Variants in ZSCAN5A observed in about 807,000 individuals in gnomAD.
The protein encoded by ZSCAN5A is zinc finger and SCAN domain-containing protein 5A.
In ZSCAN5A, 12 loss-of-function variants were observed where a neutral mutation model predicts 23.7. The observed-to-expected ratio is 0.51, with a 90% confidence interval of 0.32 to 0.82. The LOEUF (loss-of-function observed/expected upper bound fraction) is 0.82. Among genes scored for constraint, ZSCAN5A ranks in the 40% least tolerant of loss-of-function variants. The probability of loss-of-function intolerance (pLI) is 0.03; values close to 1 mark genes in which losing one functional copy is unlikely to be tolerated. For synonymous variants in ZSCAN5A, 257 were observed against 239.9 expected (o/e 1.07, Z -0.66); for missense variants, 597 against 617.9 (o/e 0.97, Z 0.36).
At chr19:56,286,250 G>A (rs1402720132) in intron 2 of ZSCAN5A, 1 of 152,064 alleles carries the variant, frequency 6.6e-6, no homozygotes, top group Non-Finnish European at 1.5e-5. Flanking sequence ...TTGAACTCCT[G>A]ACCTTGTGAT....
intron 1 of ZSCAN5A, chr19:56,314,404 A>T (rs904884692): frequency 6.6e-6 from 1 of 152,260 alleles, no homozygotes; most frequent in African/African-American, 2.4e-5. Flanking sequence ...TCTTGCGAAA[A>T]GTCTCTGCGC....
chr19:56,238,006 C>G (rs77351873), intron 2 of ZSCAN5A, among the ~76,000 whole-genome samples: 2 of 4,562 alleles, frequency 4.4e-4, no homozygotes, highest in Non-Finnish European at 4.6e-4. Context: ...CGCACACATA[C>G]ACACACACGT....
intron 2 of ZSCAN5A, among the ~76,000 whole-genome samples, chr19:56,259,212 A>T (rs2036946389): frequency 6.6e-6 from 1 of 150,570 alleles, no homozygotes; most frequent in Non-Finnish European, 1.5e-5. Context: ...TATTTTATTA[A>T]TTTTTTTTTT....
intron 2 of ZSCAN5A, among the ~76,000 whole-genome samples, chr19:56,241,658 C>T (rs1338348205): frequency 2.0e-5 from 3 of 152,132 alleles, no homozygotes; most frequent in Non-Finnish European, 2.9e-5. Flanking sequence ...ACTGAAGTCA[C>T]CATGTTGGAC....
chr19:56,333,390 C>G (rs1283819296), intron 2 of ZSCAN5A, among the ~76,000 whole-genome samples: 1 of 151,264 alleles, frequency 6.6e-6, no homozygotes, highest in Non-Finnish European at 1.5e-5. Flanking sequence ...CTTCAAAAGA[C>G]CAGACTTCAA....
chr19:56,363,771 A>C (rs1287793640), intron 1 of ZSCAN5A, among the ~76,000 whole-genome samples: 1 of 152,232 alleles, frequency 6.6e-6, no homozygotes, highest in East Asian at 1.9e-4. Context: ...GAAATTTCTA[A>C]GCAGCAAAGT....
At chr19:56,246,843 C>A in intron 2 of ZSCAN5A, 1 of 1,611,572 alleles carries the variant, frequency 6.2e-7, no homozygotes, top group Admixed American at 1.7e-5. Flanking sequence ...CTTCGACTCA[C>A]AGCGGGAGCA....
upstream of ZSCAN5A, among the ~76,000 whole-genome samples, chr19:56,319,583 A>G (rs1185833937): frequency 6.6e-6 from 1 of 151,862 alleles, no homozygotes; most frequent in Non-Finnish European, 1.5e-5. Context: ...TTCATTTCCA[A>G]ACGAGTCTCT....
chr19:56,249,682 G>C, intron 2 of ZSCAN5A, among the ~76,000 whole-genome samples: 1 of 152,154 alleles, frequency 6.6e-6, no homozygotes, highest in East Asian at 1.9e-4. Context: ...TTTGCCACAA[G>C]CGATGAGCTG....
chr19:56,350,654 G>C (rs2041661875), intron 2 of ZSCAN5A, among the ~76,000 whole-genome samples: 1 of 152,072 alleles, frequency 6.6e-6, no homozygotes, highest in African/African-American at 2.4e-5. Context: ...ATCTAGTGGA[G>C]GCAAGCCAGT....
intron 2 of ZSCAN5A, chr19:56,297,590 G>A (rs968789482): frequency 1.1e-6 from 1 of 916,580 alleles, no homozygotes; most frequent in African/African-American, 1.8e-5. Flanking sequence ...CTTCTGTCTG[G>A]GCTATGATAA....
intron 2 of ZSCAN5A, among the ~76,000 whole-genome samples, chr19:56,327,321 T>A (rs1262816068): frequency 6.6e-6 from 1 of 151,942 alleles, no homozygotes; most frequent in Non-Finnish European, 1.5e-5. Flanking sequence ...CTTGCTATAT[T>A]TCTCAGGCTG....
chr19:56,319,409 T>C (rs1199123544), upstream of ZSCAN5A, among the ~76,000 whole-genome samples: 1 of 144,408 alleles, frequency 6.9e-6, no homozygotes, highest in African/African-American at 2.6e-5. Flanking sequence ...AGCAAAAGAA[T>C]TGCTTGAACC....
intron 2 of ZSCAN5A, chr19:56,247,088 C>T (rs1196371246): frequency 3.3e-5 from 24 of 717,506 alleles, no homozygotes; most frequent in African/African-American, 7.1e-5. Context: ...AAGAGGTTTA[C>T]GTGTAATTCC....
intron 1 of ZSCAN5A, chr19:56,367,120 G>T (rs1296347214): frequency 6.6e-6 from 1 of 152,224 alleles, no homozygotes; most frequent in Non-Finnish European, 1.5e-5. Flanking sequence ...AGCACTTTGG[G>T]AGGTCAATGT....
At chr19:56,270,023 T>A (rs2037735317) in intron 2 of ZSCAN5A, among the ~76,000 whole-genome samples, 1 of 152,060 alleles carries the variant, frequency 6.6e-6, no homozygotes, top group Non-Finnish European at 1.5e-5. Context: ...ATTGACTCAA[T>A]GTCTGTGATT....
intron 2 of ZSCAN5A, among the ~76,000 whole-genome samples, chr19:56,277,815 A>C (rs758760): frequency 0.42 from 63,996 of 152,022 alleles, 14,626 homozygotes; most frequent in Non-Finnish European, 0.51. Flanking sequence ...GTACATTACA[A>C]AGATGCTGGT....
chr19:56,321,436 C>T (rs2041374648), intron 2 of ZSCAN5A: 1 of 672,406 alleles, frequency 1.5e-6, no homozygotes. Flanking sequence ...TGTGAAATGT[C>T]CAACGGCATT....
At chr19:56,341,541 T>A (rs1367702528) in intron 2 of ZSCAN5A, among the ~76,000 whole-genome samples, 1 of 152,010 alleles carries the variant, frequency 6.6e-6, no homozygotes, top group East Asian at 1.9e-4. Flanking sequence ...TTGGTGTCAT[T>A]TTTAGACCCA....
Sources: allele counts gnomAD v4.1 joint callset (sites outside exome capture counted in the v4.1 genomes callset), GRCh38; gene constraint gnomAD v4.1.1; transcripts MANE v1.5; gene names NCBI Gene and HGNC (gene_info 2026-07-23, HGNC 2026-07-21).